The following PCDHA11 variants were observed in gnomAD, a reference collection of about 807,000 sequenced individuals.
PCDHA11 encodes protocadherin alpha 11.
A neutral mutation model predicts 70.3 loss-of-function variants in PCDHA11; 61 were observed. The observed-to-expected ratio is 0.87, with a 90% confidence interval of 0.71 to 1.07. The LOEUF (loss-of-function observed/expected upper bound fraction) is 1.07, where lower values mean the gene tolerates loss of function less well. Ranked by LOEUF, PCDHA11 falls within the 50% of genes least tolerant of loss-of-function variation. The pLI, the probability that PCDHA11 is intolerant of heterozygous loss-of-function variation, is 0.00. For missense variants in PCDHA11, 1,324 were observed against 1,237.5 expected, an observed-to-expected ratio of 1.07 and a Z score of -1.05; for synonymous variants, 633 against 555.1, an observed-to-expected ratio of 1.14 and a Z score of -1.97.
chr5:140,897,964 T>A (rs1554187709), intron 1 of PCDHA11, among the ~76,000 whole-genome samples: 1 of 152,236 alleles, frequency 6.6e-6, no homozygotes, highest in South Asian at 2.1e-4. Flanking sequence ...TTTTCATGTG[T>A]CTTTTGGCTG....
At chr5:140,908,692 C>G (rs2074096551) in intron 1 of PCDHA11, among the ~76,000 whole-genome samples, 1 of 152,208 alleles carries the variant, frequency 6.6e-6, no homozygotes, top group South Asian at 2.1e-4. Context: ...CTGCCACTGA[C>G]ACCTCAAGCA....
intron 1 of PCDHA11, among the ~76,000 whole-genome samples, chr5:140,938,703 T>A: frequency 6.6e-6 from 1 of 152,170 alleles, no homozygotes; most frequent in East Asian, 1.9e-4. Flanking sequence ...AAATATATGT[T>A]TATGATAGAA....
chr5:140,943,830 G>C (rs1245752469), intron 1 of PCDHA11, among the ~76,000 whole-genome samples: 1 of 152,198 alleles, frequency 6.6e-6, no homozygotes, highest in Non-Finnish European at 1.5e-5. Context: ...TGAGTTGATT[G>C]AAGTTGTAAG....
chr5:140,990,621 G>A (rs75224471), intron 3 of PCDHA11, among the ~76,000 whole-genome samples: 1,861 of 152,288 alleles, frequency 0.012, 44 homozygotes, highest in African/African-American at 0.043. Context: ...GTAAAGGTCT[G>A]TGGTAAGACT....
chr5:140,977,335 A>T (rs1341928835), intron 1 of PCDHA11, among the ~76,000 whole-genome samples: 19 of 152,322 alleles, frequency 1.2e-4, no homozygotes, highest in Admixed American at 1.1e-3. Context: ...GAGGGGAGAG[A>T]CGGTGATGAT....
At chr5:140,876,705 C>A (rs369536692) in intron 1 of PCDHA11, 2 of 1,614,122 alleles carry the variant, frequency 1.2e-6, no homozygotes, top group Non-Finnish European at 1.7e-6. Context: ...TGCTGGACAG[C>A]GCCCTGGACC....
rs78166744 is a variant in PCDHA11, at chr5:140,875,394, G to A, written c.2391+3900G>A. Reference sequence around the variant, plus strand: ...TACTAAATATGTACTTACAGAAAAGGGTGACTGCTCATAAAATACCTCAGG... The same window carrying A: ...TACTAAATATGTACTTACAGAAAAGAGTGACTGCTCATAAAATACCTCAGG... On this transcript the variant is annotated intron_variant, in intron 1 of 3. Coordinates refer to ENST00000398640, the MANE Select transcript of PCDHA11 (RefSeq NM_018902.5). The A allele has an allele frequency of 1.4e-3, 2,104 of 1,476,976 alleles. 18 individuals carry two copies. The African/African-American group carries it at 0.02, about 14-fold the overall frequency. The allele number at this position is 1,476,976 out of a possible 1,614,324, so 91.5% of individuals were successfully genotyped here.
intron 1 of PCDHA11, chr5:140,967,680 GGCAGCTCTTCA>G: frequency 6.2e-7 from 1 of 1,614,228 alleles, no homozygotes; most frequent in East Asian, 2.2e-5. Flanking sequence ...GACCGGGAGA[GGCAGCTCTTCA>G]GCATAGATGC....
At chr5:140,883,144 A>C (rs782107481) in intron 1 of PCDHA11, 4 of 1,614,086 alleles carry the variant, frequency 2.5e-6, no homozygotes, top group Non-Finnish European at 3.4e-6. Context: ...TGGTATATGC[A>C]TTTACCATAA....
At position 140,870,461 on chromosome 5, in the gene PCDHA11, C is replaced by G; in HGVS notation, c.1358C>G (p.Ala453Gly). ...EVADVNDNAP[A>G]FAQPEYTVFV... ...GCCGACGTGAACGACAATGCGCCTG[C>G]GTTCGCACAGCCCGAGTACACCGTG... Residue 453 changes from alanine to glycine, a missense_variant, in exon 1 of 4, where the codon GCG becomes GGG. Physicochemically the swap from Ala to Gly is moderately conservative, Grantham distance 60. Coordinates refer to ENST00000398640, the MANE Select transcript of PCDHA11 (RefSeq NM_018902.5). The G allele has an allele frequency of 1.2e-6, 2 of 1,614,246 alleles. No homozygotes were observed. The highest frequency in any genetic ancestry group is 3.3e-5 in the Admixed American group (2 of 60,030).
At chr5:140,876,581 C>A in intron 1 of PCDHA11, 2 of 1,614,200 alleles carry the variant, frequency 1.2e-6, no homozygotes, top group Non-Finnish European at 1.7e-6. Flanking sequence ...ACCGTCATTG[C>A]CCTGATTAGC....
intron 3 of PCDHA11, among the ~76,000 whole-genome samples, chr5:141,005,308 T>TA (rs2098205734): frequency 6.6e-6 from 1 of 152,214 alleles, no homozygotes; most frequent in Non-Finnish European, 1.5e-5. Context: ...TTGTGAATCT[T>TA]ACAGTGGTAG....
At chr5:140,877,041 A>G (rs782570873) in intron 1 of PCDHA11, 15 of 1,612,586 alleles carry the variant, frequency 9.3e-6, no homozygotes, top group African/African-American at 4.0e-5. Context: ...TGCAGCCGCT[A>G]GACCACGAGG....
chr5:141,004,274 A>T (rs2098160407), intron 3 of PCDHA11, among the ~76,000 whole-genome samples: 1 of 152,212 alleles, frequency 6.6e-6, no homozygotes, highest in Admixed American at 6.5e-5. Flanking sequence ...CACAGTCTAC[A>T]TGCTGCTGAG....
intron 1 of PCDHA11, among the ~76,000 whole-genome samples, chr5:140,961,560 AT>A (rs1223583703): frequency 1.4e-4 from 22 of 152,140 alleles, no homozygotes; most frequent in African/African-American, 4.6e-4. Flanking sequence ...CTTTTTTTAA[AT>A]TTTGTTTTGA....
intron 3 of PCDHA11, 51 bp downstream of exon 3, chr5:140,982,614 G>T (rs1283279622): frequency 6.3e-7 from 1 of 1,596,658 alleles, no homozygotes; most frequent in Non-Finnish European, 8.5e-7. Flanking sequence ...AAAGTGATCA[G>T]ATGACCTACT....
chr5:140,929,170 C>T, intron 1 of PCDHA11: 4 of 1,614,134 alleles, frequency 2.5e-6, no homozygotes, highest in Non-Finnish European at 3.4e-6. Flanking sequence ...TCGGGCCTCT[C>T]TGGGACTTGG....
Position 140,870,744 on chromosome 5 carries a change from C to T in PCDHA11, c.1641C>T (p.Asn547=), listed in dbSNP as rs1432638683. Residue 547 remains asparagine, a synonymous_variant, in exon 1 of 4, where the codon AAC becomes AAT. Coordinates refer to ENST00000398640, the MANE Select transcript of PCDHA11 (RefSeq NM_018902.5). ...RDAGVPPLSS[N]VTLQVFVLDE... ...CGGGCGTGCCGCCTCTGAGCAGCAA[C>T]GTGACGCTGCAGGTGTTCGTGCTGG... 1 of 1,613,474 alleles carries T rather than the reference C, an allele frequency of 6.2e-7. No individual in the cohort carries two copies. The highest frequency in any genetic ancestry group is 8.5e-7 in the Non-Finnish European group (1 of 1,179,894).
At position 141,001,667 on chromosome 5, in the gene PCDHA11, A is replaced by G. The variant is rs949508860; in HGVS notation, c.2540-7960A>G. ...GTGTGGGAGAAGGCGGAGCTTGTCC[A>G]GTCGGTCCAACAAACCCCACAGATG... is the stretch of plus-strand genomic sequence containing the variant. On this transcript the variant is annotated intron_variant, in intron 3 of 3. Coordinates refer to ENST00000398640, the MANE Select transcript of PCDHA11 (RefSeq NM_018902.5). Among the ~76,000 whole-genome samples, 9 of 152,268 alleles carry G rather than the reference A, an allele frequency of 5.9e-5. 1 individual carries two copies. In the East Asian group the frequency reaches 1.7e-3, roughly 29 times the overall value.
Sources: gnomAD v4.1 joint callset for allele counts (sites outside exome capture counted in the v4.1 genomes callset) on GRCh38, gnomAD v4.1.1 for gene constraint, MANE v1.5 for transcripts, NCBI Gene and HGNC (gene_info 2026-07-23, HGNC 2026-07-21) for gene names.